The following MDFI variants were observed in gnomAD, a reference collection of about 807,000 sequenced individuals.
MDFI encodes the protein MyoD family inhibitor.
A neutral mutation model predicts 22.3 loss-of-function variants in MDFI; 16 were observed. The observed-to-expected ratio is 0.72, with a 90% CI of 0.49 to 1.09. The LOEUF (loss-of-function observed/expected upper bound fraction) is 1.09. Among genes scored for constraint, MDFI ranks in the 50% least tolerant of loss-of-function variants. The probability of loss-of-function intolerance (pLI) is 0.00; values close to 1 mark genes in which losing one functional copy is unlikely to be tolerated. For missense variants in MDFI, 314 were observed against 326.1 expected, an observed-to-expected ratio of 0.96 and a Z score of 0.29; for synonymous variants, 145 against 142.7, an observed-to-expected ratio of 1.02 and a Z score of -0.12.
chr6:41,638,193 C>T (rs1171061397), upstream of MDFI: 1 of 154,642 alleles, frequency 6.5e-6, no homozygotes, highest in East Asian at 1.9e-4. The surrounding 1 kb of genome is among the most constrained non-coding windows in gnomAD (Gnocchi z 7.6). Context: ...CGCGGATCTC[C>T]GGGCCTCAGA....
rs1301889016 is a variant in MDFI at position 41,649,637 on chromosome 6, C to T, written c.278C>T (p.Pro93Leu). 1.2e-6 allele frequency: 2 copies of T among 1,609,038 alleles called. No individual in the cohort carries two copies. The highest frequency in any genetic ancestry group is 1.7e-6 in the Non-Finnish European group (2 of 1,177,114). ...TCTCCAGGCCAGCCTCAGGGGAACC[C>T]CTTGGGCTGCACCCCACTTCTGCCG... ...EAVTCQPQGNPLGCTPLLPND... is the reference protein window; with the variant it reads ...EAVTCQPQGNLLGCTPLLPND... The change falls in exon 4 of 5, where the codon CCC (proline) becomes CTC (leucine). Residue 93 changes from proline to leucine, a missense_variant. By Grantham distance (98) the Pro-to-Leu change is moderately conservative. Transcript: ENST00000230321.
chr6:41,638,800 A>T lies in MDFI; in HGVS notation c.51A>T (p.Gly17=). 1 of 1,566,686 alleles carries T rather than the reference A, an allele frequency of 6.4e-7. No individual in the cohort carries two copies. Among genetic ancestry groups the T allele is most frequent in the Non-Finnish European group, 8.6e-7 (1 of 1,162,584 alleles). The stretch of plus-strand genomic sequence containing the variant: ...CCTCTGGCTGCGACGCGCCCTATGG[A>T]GCCCCCAGCGCAGCCCCGGGCCCAG... ...QRPSGCDAPY[G]APSAAPGPAQ... The change falls in exon 2 of 5, where the codon GGA becomes GGT. Residue 17 remains glycine, a synonymous_variant. Transcript: ENST00000230321. The surrounding 1 kb of genome is among the most constrained non-coding windows in gnomAD (Gnocchi z 7.6).
intron 2 of MDFI, among the ~76,000 whole-genome samples, chr6:41,642,619 C>G (rs996945531): frequency 6.6e-6 from 1 of 152,196 alleles, no homozygotes; most frequent in Admixed American, 6.5e-5. Flanking sequence ...GGATATCTGG[C>G]ACAGCTCCCT....
rs1554130786 is a variant in MDFI at position 41,653,280 on chromosome 6, C to T, written c.485-39C>T. 1.9e-6 allele frequency: 3 copies of T among 1,597,042 alleles called. No individual in the cohort carries two copies. The highest frequency in any genetic ancestry group is 2.6e-6 in the Non-Finnish European group (3 of 1,169,736). On this transcript the variant is annotated intron_variant, in intron 4 of 4. Coordinates refer to ENST00000230321, the MANE Select transcript of MDFI (RefSeq NM_005586.4). This position sits in a 1 kb window ranked among gnomAD's most constrained non-coding sequence, Gnocchi z 4.2. ...CTATTTCACACACGCTCATCCCTCC[C>T]CTCTCTCACCCGTCCCCCTCTCCAC...
At chr6:41,649,186 C>T (rs1030242661) in intron 3 of MDFI, among the ~76,000 whole-genome samples, 3 of 152,256 alleles carry the variant, frequency 2.0e-5, no homozygotes, top group African/African-American at 7.2e-5. Flanking sequence ...CAGCTGGGGG[C>T]TTGGCAGAGG....
intron 4 of MDFI, among the ~76,000 whole-genome samples, chr6:41,651,620 T>C (rs1248565617): frequency 6.6e-6 from 1 of 152,132 alleles, no homozygotes; most frequent in African/African-American, 2.4e-5. Flanking sequence ...CCTCATTAGA[T>C]TTACGTTTGA....
intron 2 of MDFI, among the ~76,000 whole-genome samples, chr6:41,644,223 A>T (rs28501422): frequency 0.11 from 16,137 of 152,192 alleles, 1,088 homozygotes; most frequent in African/African-American, 0.19. Context: ...AACCCAGCTA[A>T]GAGGGGAGCT....
At chr6:41,639,103 C>A in intron 2 of MDFI, 1 of 506,996 alleles carries the variant, frequency 2.0e-6, no homozygotes, top group Non-Finnish European at 2.5e-6. Context: ...CACACAAACA[C>A]ACACACATAC....
At chr6:41,642,820 C>T (rs1767898974) in intron 2 of MDFI, among the ~76,000 whole-genome samples, 1 of 152,182 alleles carries the variant, frequency 6.6e-6, no homozygotes, top group Non-Finnish European at 1.5e-5. Flanking sequence ...TTGGTCTGCA[C>T]TCTGTAATTT....
intron 4 of MDFI, among the ~76,000 whole-genome samples, chr6:41,652,851 C>T (rs1768327160): frequency 6.6e-6 from 1 of 152,146 alleles, no homozygotes. Context: ...CTCCTAACCT[C>T]AGGTGATCCG....
At chr6:41,639,266 A>T (rs1767759270) in intron 2 of MDFI, 1 of 985,116 alleles carries the variant, frequency 1.0e-6, no homozygotes, top group South Asian at 4.7e-5. Flanking sequence ...GCGCTTCCCG[A>T]AAACTTTTGT....
intron 3 of MDFI, among the ~76,000 whole-genome samples, chr6:41,647,785 G>A (rs1044900556): frequency 2.0e-5 from 3 of 152,148 alleles, no homozygotes; most frequent in Non-Finnish European, 2.9e-5. Flanking sequence ...ACTCACGCCT[G>A]TAATCCCAGC....
At position 41,649,741 on chromosome 6, in the gene MDFI, C is replaced by T. The variant is rs768704952; in HGVS notation, c.382C>T (p.Arg128Trp). 24 of 1,613,980 alleles carry T rather than the reference C, an allele frequency of 1.5e-5. No individual in the cohort carries two copies. Among genetic ancestry groups the T allele is most frequent in the Non-Finnish European group, 1.9e-5 (23 of 1,180,010 alleles). The change falls in exon 4 of 5, where the codon CGG becomes TGG. Residue 128 changes from arginine to tryptophan, a missense_variant. Arg to Trp is a moderately radical substitution (Grantham distance 101). Coordinates refer to ENST00000230321, the MANE Select transcript of MDFI (RefSeq NM_005586.4). ...NGALGGPKAHRKLQTHPSLAS... is the reference protein window; with the variant it reads ...NGALGGPKAHWKLQTHPSLAS... Reference sequence around the variant, plus strand: ...TGCCCTGGGTGGCCCCAAGGCCCACCGGAAGTTGCAGACACACCCATCTCT... The same window carrying T: ...TGCCCTGGGTGGCCCCAAGGCCCACTGGAAGTTGCAGACACACCCATCTCT...
In MDFI at chr6:41,638,794, C is replaced by G; in HGVS notation, c.45C>G (p.Pro15=). The part of the protein sequence containing the change: ...SGQRPSGCDA[P]YGAPSAAPGP... The stretch of plus-strand genomic sequence containing the variant: ...AGCGCCCCTCTGGCTGCGACGCGCC[C>G]TATGGAGCCCCCAGCGCAGCCCCGG... Residue 15 remains proline, a synonymous_variant, in exon 2 of 5, where the codon CCC becomes CCG. Transcript: ENST00000230321. This position sits in a 1 kb window ranked among gnomAD's most constrained non-coding sequence, Gnocchi z 7.6. 1 of 1,568,486 alleles carries G rather than the reference C, an allele frequency of 6.4e-7. No homozygotes were observed. Among genetic ancestry groups the G allele is most frequent in the Non-Finnish European group, 8.6e-7 (1 of 1,163,408 alleles).
At chr6:41,651,073 G>A (rs1424741827) in intron 4 of MDFI, among the ~76,000 whole-genome samples, 2 of 151,918 alleles carry the variant, frequency 1.3e-5, no homozygotes, top group Non-Finnish European at 2.9e-5. Flanking sequence ...CAGGCGTGGC[G>A]GTGGGCGCCT....
intron 2 of MDFI, among the ~76,000 whole-genome samples, chr6:41,644,530 TG>T: frequency 8.2e-6 from 1 of 121,972 alleles, no homozygotes; most frequent in Non-Finnish European, 1.7e-5. Flanking sequence ...ACAAGGGTCA[TG>T]AGGGTCACTG....
At position 41,654,111 on chromosome 6, in the gene MDFI, G is replaced by A. The variant is rs1768391833; in HGVS notation, c.*536G>A. On this transcript the variant is annotated 3_prime_UTR_variant, in exon 5 of 5. Coordinates refer to ENST00000230321, the MANE Select transcript of MDFI (RefSeq NM_005586.4). ...GCCTAACCCACGCAGTGACCCCAGAGGGCAGGGCTAGGCGAGAGCCTGGGG... is the reference window on the plus strand; with the variant it reads ...GCCTAACCCACGCAGTGACCCCAGAAGGCAGGGCTAGGCGAGAGCCTGGGG... The A allele has an allele frequency of 5.7e-6, 1 of 175,030 alleles. No homozygotes were observed. The highest frequency in any genetic ancestry group is 1.3e-5 in the Non-Finnish European group (1 of 79,894). 10.8% of individuals were successfully genotyped at this position (175,030 alleles called of 1,614,324 possible).
chr6:41,639,607 T>G (rs1767774720), intron 2 of MDFI: 4 of 985,338 alleles, frequency 4.1e-6, no homozygotes, highest in Non-Finnish European at 3.6e-6. Context: ...CAAATGGAAG[T>G]CCGGGTCAAG....
chr6:41,645,050 T>C (rs1358785073), intron 2 of MDFI, among the ~76,000 whole-genome samples: 1 of 152,090 alleles, frequency 6.6e-6, no homozygotes, highest in Non-Finnish European at 1.5e-5. Flanking sequence ...CTTGTTTCTG[T>C]GTCTCCTTGC....
Sources: allele counts gnomAD v4.1 joint callset (sites outside exome capture counted in the v4.1 genomes callset), GRCh38; gene constraint gnomAD v4.1.1; non-coding constraint Gnocchi (gnomAD v3.1); transcripts MANE v1.5; gene names NCBI Gene and HGNC (gene_info 2026-07-23, HGNC 2026-07-21).